The following CFAP20DC variants were observed in gnomAD, a reference collection of about 807,000 sequenced individuals.
The protein encoded by CFAP20DC is protein CFAP20DC.
Under a neutral mutation model 101.7 loss-of-function variants are expected in CFAP20DC, and 84 were observed. The observed-to-expected ratio is 0.83, with a 90% CI of 0.69 to 0.99. The LOEUF is 0.99. Among genes scored for constraint, CFAP20DC ranks in the 50% least tolerant of loss-of-function variants. CFAP20DC has a pLI of 0.00. For missense variants in CFAP20DC, 1,007 were observed against 970.3 expected (o/e 1.04, Z -0.50); for synonymous variants, 359 against 351.2 (o/e 1.02, Z -0.25).
Position 58,729,410 on chromosome 3 carries a change from T to C in CFAP20DC, c.198-11782A>G, listed in dbSNP as rs756440389. ...TTAATATTTTGTGTCTTGTATACAG[T>C]AAAACAATTGATTTTTATATAATGA... On this transcript the variant is annotated intron_variant, in intron 3 of 3. Transcript: ENST00000486145. This position sits in a 1 kb window ranked among gnomAD's most constrained non-coding sequence, Gnocchi z 4.4. Among the ~76,000 whole-genome samples, 5 of 152,276 alleles carry C rather than the reference T, an allele frequency of 3.3e-5. No individual in the cohort carries two copies. Among genetic ancestry groups the C allele is most frequent in the Non-Finnish European group, 7.4e-5 (5 of 68,016 alleles).
In CFAP20DC at chr3:58,869,430, A is replaced by G. The variant is rs1387008280; in HGVS notation, c.913T>C (p.Cys305Arg). 3 of 1,613,674 alleles carry G rather than the reference A, an allele frequency of 1.9e-6. No individual in the cohort carries two copies. The highest frequency in any genetic ancestry group is 2.5e-6 in the Non-Finnish European group (3 of 1,179,818). The change falls in exon 9 of 17, where the codon TGT becomes CGT. Residue 305 changes from cysteine (C) to arginine (R), a missense_variant. Physicochemically the swap from Cys to Arg is radical, Grantham distance 180 (BLOSUM62 -3). Transcript: ENST00000482387. The surrounding 1 kb of genome is among the most constrained non-coding windows in gnomAD (Gnocchi z 4.3). ...RSCQPSTVEK[C>R]VNGTEMSALL... ...GCTGACATTTCTGTACCATTAACAC[A>G]CTTCTCTACAGTGGACGGCTGGCAT...
intron 15 of CFAP20DC, among the ~76,000 whole-genome samples, chr3:58,765,593 T>C (rs538766634): frequency 6.6e-6 from 1 of 152,180 alleles, no homozygotes; most frequent in South Asian, 2.1e-4. Context: ...TACAATCTTG[T>C]ATACATTTAA....
At chr3:58,851,906 G>C (rs1307457123) in intron 12 of CFAP20DC, among the ~76,000 whole-genome samples, 1 of 152,178 alleles carries the variant, frequency 6.6e-6, no homozygotes, top group African/African-American at 2.4e-5. Context: ...CATTGTCGTG[G>C]TGGAGAAAGA....
Position 59,047,198 on chromosome 3 carries a change from C to T in CFAP20DC, c.78G>A (p.Trp26Ter), listed in dbSNP as rs2109323423. The stretch of plus-strand genomic sequence containing the variant: ...TCACAGATGGACTACCAAGGATCTT[C>T]CATTTTGCTCCAGGATTTTTTCCTT... The part of the protein sequence containing the change: ...SAQGKNPGAK[W>*]KILGSPSVIW... The change falls in exon 2 of 17, where the codon TGG (tryptophan) becomes TGA (stop). Residue 26 changes from tryptophan to a stop codon, truncating the protein, a stop_gained. Transcript: ENST00000482387. LOFTEE classifies it high-confidence loss of function. 6.5e-7 allele frequency: 1 copy of T among 1,535,266 alleles called. No homozygotes were observed. The highest frequency in any genetic ancestry group is 2.4e-5 in the East Asian group (1 of 40,898).
chr3:59,027,835 A>G (rs1294650230), intron 4 of CFAP20DC, among the ~76,000 whole-genome samples: 1 of 152,180 alleles, frequency 6.6e-6, no homozygotes, highest in African/African-American at 2.4e-5. Context: ...CGGGCCTCCC[A>G]ATGCCTTGAT....
At chr3:58,785,260 T>C (rs2072229902) in intron 15 of CFAP20DC, among the ~76,000 whole-genome samples, 1 of 152,050 alleles carries the variant, frequency 6.6e-6, no homozygotes, top group South Asian at 2.1e-4. Flanking sequence ...AGTAGAATGA[T>C]AGATACCGGA....
rs1576001761 is a variant in CFAP20DC at position 58,863,160 on chromosome 3, G to C, written c.1593+398C>G. ...AGATGGCAGGGGAGTAAGGAAGCCA[G>C]AAAACCATCAATTTAGAATGCTTAG... is the stretch of plus-strand genomic sequence containing the variant. On this transcript the variant is annotated intron_variant, in intron 12 of 16. Coordinates refer to ENST00000482387, the MANE Select transcript of CFAP20DC (RefSeq NM_001394063.1). The surrounding 1 kb of genome is among the most constrained non-coding windows in gnomAD (Gnocchi z 5.9). 5 of 1,088,828 alleles carry C rather than the reference G, an allele frequency of 4.6e-6. No homozygotes were observed. The highest frequency in any genetic ancestry group is 5.6e-6 in the Non-Finnish European group (5 of 898,334). 67.4% of individuals were successfully genotyped at this position (1,088,828 alleles called of 1,614,324 possible). A position where few individuals can be genotyped will look rare whatever the true frequency, so the allele number is the denominator to read the frequency against.
In CFAP20DC at chr3:58,753,775, C is replaced by G. The variant is rs183441648; in HGVS notation, c.2326G>C (p.Val776Leu). 1.2e-4 allele frequency: 191 copies of G among 1,608,136 alleles called. 1 individual carries two copies. The highest frequency in any genetic ancestry group is 6.0e-4 in the African/African-American group (45 of 74,854). Reference sequence around the variant, plus strand: ...TCGTTTTTCATAGTCCCACCTTGAACACTCAAACTTTCACAGGAATCTGGA... The same window carrying G: ...TCGTTTTTCATAGTCCCACCTTGAAGACTCAAACTTTCACAGGAATCTGGA... ...QRPDSCESLS[V>L]QGEEDLSVEE... is the part of the protein sequence containing the mutation. Residue 776 changes from valine to leucine, a missense_variant, in exon 16 of 17, where the codon GTT becomes CTT. Val to Leu is a conservative substitution (Grantham distance 32). Coordinates refer to ENST00000482387, the MANE Select transcript of CFAP20DC (RefSeq NM_001394063.1).
Position 58,795,353 on chromosome 3 carries a change from T to C in CFAP20DC, c.2237+11042A>G, listed in dbSNP as rs1011651264. ...TCTCCACTGGTTAAAGATGTCAAGA[T>C]TCTGCCAGGTGCCGTGGCTCACGCC... On this transcript the variant is annotated intron_variant, in intron 15 of 16. Transcript: ENST00000482387. The surrounding 1 kb of genome is among the most constrained non-coding windows in gnomAD (Gnocchi z 4.2). Among the ~76,000 whole-genome samples, 1 of 152,098 alleles carries C rather than the reference T, an allele frequency of 6.6e-6. No individual in the cohort carries two copies. The highest frequency in any genetic ancestry group is 1.5e-5 in the Non-Finnish European group (1 of 68,024).
chr3:58,749,943 G>A (rs548065668), intron 16 of CFAP20DC, among the ~76,000 whole-genome samples: 7 of 152,280 alleles, frequency 4.6e-5, no homozygotes, highest in African/African-American at 1.7e-4. Context: ...CACCATGTCC[G>A]ATAGTAATTG....
rs1479029676 is a variant in CFAP20DC, at chr3:58,892,190, A to G, written c.551-7481T>C. 1.3e-5 allele frequency among the ~76,000 whole-genome samples: 2 copies of G among 152,190 alleles called. No individual in the cohort carries two copies. The highest frequency in any genetic ancestry group is 2.9e-5 in the Non-Finnish European group (2 of 68,036). On this transcript the variant is annotated intron_variant, in intron 6 of 16. Coordinates refer to ENST00000482387, the MANE Select transcript of CFAP20DC (RefSeq NM_001394063.1). This position sits in a 1 kb window ranked among gnomAD's most constrained non-coding sequence, Gnocchi z 4.0. Reference sequence around the variant, plus strand: ...GCTCTCTATTCTCTTCCACTGGTCTATGTGCCTGTTTTCGTATCAGTACCA... The same window carrying G: ...GCTCTCTATTCTCTTCCACTGGTCTGTGTGCCTGTTTTCGTATCAGTACCA...
intron 5 of CFAP20DC, among the ~76,000 whole-genome samples, chr3:58,934,048 G>C (rs1275510554): frequency 6.6e-6 from 1 of 152,156 alleles, no homozygotes; most frequent in East Asian, 1.9e-4. Flanking sequence ...GAAGAAAACA[G>C]AGAAGAATCA....
At chr3:58,933,373 A>G (rs1248185796) in intron 5 of CFAP20DC, among the ~76,000 whole-genome samples, 3 of 151,458 alleles carry the variant, frequency 2.0e-5, no homozygotes, top group East Asian at 1.9e-4. Context: ...CGAGACAGAA[A>G]GTTAACAAGG....
chr3:58,930,804 T>C (rs1479275465), intron 5 of CFAP20DC, among the ~76,000 whole-genome samples: 3 of 151,862 alleles, frequency 2.0e-5, no homozygotes, highest in South Asian at 2.1e-4. Context: ...GATGGCCGAA[T>C]AGGAACAGCT....
intron 2 of CFAP20DC, among the ~76,000 whole-genome samples, chr3:59,046,749 G>GA (rs1699896946): frequency 1.3e-5 from 2 of 152,194 alleles, no homozygotes; most frequent in Admixed American, 1.3e-4. Context: ...ATTGGGATCA[G>GA]AAAGGGACAT....
At chr3:59,045,150 A>C (rs1308247044) in intron 3 of CFAP20DC, among the ~76,000 whole-genome samples, 1 of 152,092 alleles carries the variant, frequency 6.6e-6, no homozygotes, top group Non-Finnish European at 1.5e-5. Context: ...ACCACTTTAA[A>C]ATAAATCATC....
At chr3:58,952,066 G>C (rs956976767) in intron 4 of CFAP20DC, among the ~76,000 whole-genome samples, 5 of 152,080 alleles carry the variant, frequency 3.3e-5, no homozygotes, top group African/African-American at 7.2e-5. Flanking sequence ...ATGGTTAGGG[G>C]GTAGGGTAGG....
At chr3:58,896,109 G>A (rs572036152) in intron 6 of CFAP20DC, among the ~76,000 whole-genome samples, 21 of 152,172 alleles carry the variant, frequency 1.4e-4, no homozygotes, top group African/African-American at 4.3e-4. Context: ...ATTTCTTCCT[G>A]GTTCACTCTT....
intron 15 of CFAP20DC, among the ~76,000 whole-genome samples, chr3:58,803,526 A>C (rs1323218321): frequency 6.6e-6 from 1 of 152,240 alleles, no homozygotes; most frequent in Non-Finnish European, 1.5e-5. Flanking sequence ...GAAGAATCAG[A>C]ACTTTCAATT....
Sources: allele counts gnomAD v4.1 joint callset (sites outside exome capture counted in the v4.1 genomes callset), GRCh38; gene constraint gnomAD v4.1.1; non-coding constraint Gnocchi (gnomAD v3.1); transcripts MANE v1.5; gene names NCBI Gene and HGNC (gene_info 2026-07-23, HGNC 2026-07-21).